Variants in AOPEP observed in about 807,000 individuals in gnomAD.
The protein encoded by AOPEP is aminopeptidase O (putative), also known as aminopeptidase O.
Under a neutral mutation model 98.1 loss-of-function variants are expected in AOPEP, and 77 were observed. The observed-to-expected ratio is 0.78, with a 90% CI of 0.65 to 0.95. The LOEUF is 0.95. AOPEP is among the 40% of genes least tolerant of loss of function. AOPEP has a pLI of 0.00. For missense variants in AOPEP, 1,024 were observed against 1,024.7 expected, an observed-to-expected ratio of 1.00 and a Z score of 0.01; for synonymous variants, 346 against 365.3, an observed-to-expected ratio of 0.95 and a Z score of 0.60.
At chr9:94,778,693 G>A (rs922746176) in intron 3 of AOPEP, among the ~76,000 whole-genome samples, 1 of 152,128 alleles carries the variant, frequency 6.6e-6, no homozygotes, top group Admixed American at 6.5e-5. Flanking sequence ...TTATGTAAGT[G>A]TGTTTATCTG....
chr9:94,954,150 CCAT>C (rs2058297994), intron 7 of AOPEP, among the ~76,000 whole-genome samples: 1 of 152,056 alleles, frequency 6.6e-6, no homozygotes, highest in African/African-American at 2.4e-5. Flanking sequence ...TGGCGAAACC[CCAT>C]CTCTACAGAA....
chr9:94,861,996 A>G (rs1472474155), intron 5 of AOPEP, among the ~76,000 whole-genome samples: 1 of 152,228 alleles, frequency 6.6e-6, no homozygotes, highest in Admixed American at 6.5e-5. Flanking sequence ...GCAGCTTACT[A>G]GGAAAGTTGC....
intron 1 of AOPEP, among the ~76,000 whole-genome samples, chr9:94,739,237 G>A (rs987488365): frequency 1.3e-5 from 2 of 152,028 alleles, no homozygotes; most frequent in African/African-American, 2.4e-5. Context: ...AACTTTCCTT[G>A]TTGTCCTGGT....
chr9:94,905,666 A>G (rs1057118329), intron 5 of AOPEP, among the ~76,000 whole-genome samples: 1 of 152,170 alleles, frequency 6.6e-6, no homozygotes, highest in African/African-American at 2.4e-5. Context: ...TCTTGTTAAA[A>G]TCTGTTATAA....
intron 5 of AOPEP, among the ~76,000 whole-genome samples, chr9:94,908,079 A>G (rs1375032898): frequency 6.6e-6 from 1 of 152,138 alleles, no homozygotes; most frequent in Non-Finnish European, 1.5e-5. Context: ...CTTCCTTCTC[A>G]GGTTGCTTAA....
the AOPEP span, among the ~76,000 whole-genome samples, chr9:95,097,420 C>T: frequency 6.6e-6 from 1 of 152,210 alleles, no homozygotes; most frequent in African/African-American, 2.4e-5. Flanking sequence ...AGGCCTTTGA[C>T]CCAGGCTCCT....
At chr9:95,084,176 A>G (rs1279799299) in intron 16 of AOPEP, among the ~76,000 whole-genome samples, 2 of 152,150 alleles carry the variant, frequency 1.3e-5, no homozygotes, top group Non-Finnish European at 1.5e-5. Flanking sequence ...TTTTTCATGG[A>G]TATTGAATAT....
At chr9:95,054,259 C>A (rs2066634304) in intron 13 of AOPEP, among the ~76,000 whole-genome samples, 1 of 152,020 alleles carries the variant, frequency 6.6e-6, no homozygotes, top group African/African-American at 2.4e-5. Context: ...CCCTTTGGCC[C>A]CTTGTAATTG....
rs186815721 is a variant in AOPEP at position 94,814,924 on chromosome 9, G to A, written c.1364+13922G>A. Among the ~76,000 whole-genome samples the A allele has an allele frequency of 6.2e-3, 951 of 152,298 alleles. 6 individuals carry two copies. Among genetic ancestry groups the A allele is most frequent in the Non-Finnish European group, 0.011 (755 of 68,012 alleles). On this transcript the variant is annotated intron_variant, in intron 5 of 16. Coordinates refer to ENST00000375315, the MANE Select transcript of AOPEP (RefSeq NM_001193329.3). ...TACAAGGAGACTGACATGGAATCAG[G>A]AAGCCATGTTTTAAAAACTTGTCAA...
intron 3 of AOPEP, among the ~76,000 whole-genome samples, chr9:94,783,684 T>G (rs1305426542): frequency 6.6e-6 from 1 of 152,168 alleles, no homozygotes; most frequent in Non-Finnish European, 1.5e-5. Flanking sequence ...ATTGTACAGA[T>G]GTATGTATAT....
At chr9:95,059,493 C>T (rs549612256) in intron 13 of AOPEP, among the ~76,000 whole-genome samples, 8 of 146,746 alleles carry the variant, frequency 5.5e-5, no homozygotes, top group South Asian at 2.1e-4. Context: ...CGTTGCCCCC[C>T]GCATACCTTT....
chr9:95,052,544 AT>A (rs1256167787), intron 13 of AOPEP, among the ~76,000 whole-genome samples: 46 of 152,346 alleles, frequency 3.0e-4, no homozygotes, highest in South Asian at 1.2e-3. Flanking sequence ...GAACACAGTA[AT>A]TTTGTGCATA....
intron 14 of AOPEP, among the ~76,000 whole-genome samples, chr9:95,077,457 G>GC (rs1158016129): frequency 6.6e-6 from 1 of 152,232 alleles, no homozygotes; most frequent in African/African-American, 2.4e-5. Flanking sequence ...GTGCCCACTG[G>GC]TGCCAGGCAC....
chr9:95,111,075 A>G, the AOPEP span: 1 of 1,506,672 alleles, frequency 6.6e-7, no homozygotes, highest in Admixed American at 2.0e-5. Flanking sequence ...GGGGAGCGAG[A>G]CAGGGCCCTG....
intron 3 of AOPEP, among the ~76,000 whole-genome samples, chr9:94,791,517 AT>A (rs1160556168): frequency 6.6e-6 from 1 of 150,626 alleles, no homozygotes; most frequent in Non-Finnish European, 1.5e-5. Context: ...AAAAAAAAAA[AT>A]GTAAGCTGTG....
At chr9:95,064,879 G>C (rs917323945) in intron 14 of AOPEP, among the ~76,000 whole-genome samples, 1 of 152,176 alleles carries the variant, frequency 6.6e-6, no homozygotes, top group Non-Finnish European at 1.5e-5. Flanking sequence ...AAAGAATGAA[G>C]GTTTGATGGT....
intron 5 of AOPEP, among the ~76,000 whole-genome samples, chr9:94,848,187 A>G (rs527623094): frequency 3.1e-4 from 47 of 152,194 alleles, no homozygotes; most frequent in Non-Finnish European, 3.1e-4. Context: ...AGTGGCTCAC[A>G]CCTGTAATCC....
At chr9:94,898,411 G>T (rs900357397) in intron 5 of AOPEP, among the ~76,000 whole-genome samples, 1 of 151,528 alleles carries the variant, frequency 6.6e-6, no homozygotes, top group Admixed American at 6.6e-5. Flanking sequence ...CTGAGGTCAG[G>T]AGTTCGAGAC....
chr9:94,771,166 G>A (rs778957111), intron 2 of AOPEP, among the ~76,000 whole-genome samples: 5 of 152,164 alleles, frequency 3.3e-5, no homozygotes, highest in African/African-American at 4.8e-5. Context: ...CTTATAGAGA[G>A]GAGACCAACA....
Sources: allele counts gnomAD v4.1 joint callset (sites outside exome capture counted in the v4.1 genomes callset), GRCh38; gene constraint gnomAD v4.1.1; transcripts MANE v1.5; gene names NCBI Gene and HGNC (gene_info 2026-07-23, HGNC 2026-07-21).